CECR2: variants seen among roughly 807,000 people sequenced by gnomAD.
The protein encoded by CECR2 is CECR2 histone acetyl-lysine reader.
A neutral mutation model predicts 154.5 loss-of-function variants in CECR2; 30 were observed. The observed-to-expected ratio is 0.19, with a 90% confidence interval of 0.15 to 0.26. CECR2 has a LOEUF of 0.26. CECR2 is among the 10% of genes least tolerant of loss of function. The probability of loss-of-function intolerance (pLI) is 1.00; values close to 1 mark genes in which losing one functional copy is unlikely to be tolerated. For synonymous variants in CECR2, 725 were observed against 683.7 expected (o/e 1.06, Z -0.94); for missense variants, 1,743 against 1,829.3 (o/e 0.95, Z 0.86).
chr22:17,392,263 A>C (rs1037290391), intron 1 of CECR2, among the ~76,000 whole-genome samples: 8 of 152,092 alleles, frequency 5.3e-5, no homozygotes, highest in African/African-American at 1.7e-4. Context: ...TCAACAACAA[A>C]AAAAATTTTT....
intron 5 of CECR2, among the ~76,000 whole-genome samples, chr22:17,501,365 T>A (rs933924795): frequency 2.0e-5 from 3 of 152,174 alleles, no homozygotes; most frequent in African/African-American, 4.8e-5. Context: ...GAGACCATCC[T>A]GGCTAACACG....
intron 7 of CECR2, among the ~76,000 whole-genome samples, 196 bp from the exon 8 acceptor site, chr22:17,511,617 T>C (rs990509234): frequency 1.3e-5 from 2 of 152,162 alleles, no homozygotes; most frequent in African/African-American, 4.8e-5. Flanking sequence ...TTTGTTTTTA[T>C]TTTTTCAAGA....
chr22:17,526,808 C>CAA (rs34800488), intron 9 of CECR2, among the ~76,000 whole-genome samples: 1,130 of 71,120 alleles, frequency 0.016, 25 homozygotes, highest in East Asian at 0.037. Context: ...GACTCCATCT[C>CAA]AAAAAAAAAA....
chr22:17,422,104 TCC>T (rs1371016444), intron 1 of CECR2, among the ~76,000 whole-genome samples: 1 of 152,148 alleles, frequency 6.6e-6, no homozygotes, highest in South Asian at 2.1e-4. Flanking sequence ...TGTTTTTTTT[TCC>T]CCCCTCTGGC....
At chr22:17,449,702 G>T (rs971225923) in intron 1 of CECR2, among the ~76,000 whole-genome samples, 19 of 151,680 alleles carry the variant, frequency 1.3e-4, no homozygotes, top group Admixed American at 9.8e-4. Flanking sequence ...TGTTAGTCAG[G>T]ATGGTCTCGA....
At chr22:17,423,494 G>A (rs1003027799) in intron 1 of CECR2, among the ~76,000 whole-genome samples, 3 of 133,904 alleles carry the variant, frequency 2.2e-5, no homozygotes, top group South Asian at 4.8e-4. Context: ...GCGACTGAGC[G>A]AGACTCTGTC....
rs745963082 is a variant in CECR2 at position 17,549,495 on chromosome 22, T to C, written c.4208T>C (p.Val1403Ala). The change falls in exon 17 of 19, where the codon GTG (valine) becomes GCG (alanine). Residue 1403 changes from valine to alanine, a missense_variant. This residue lies in a region of CECR2 where 1,250 missense variants were observed against 1,192.1 expected (regional missense o/e 1.05). Coordinates refer to ENST00000262608, the MANE Select transcript of CECR2 (RefSeq NM_001290047.2). The part of the protein sequence containing the change: ...QEEGLGHFQA[V>A]MMEQIGTRSG... ...GAAGGCCTGGGTCACTTTCAAGCTG[T>C]GATGATGGAACAAATTGGCACTAGA... is the stretch of plus-strand genomic sequence containing the variant. The C allele has an allele frequency of 7.5e-6, 12 of 1,608,960 alleles. No homozygotes were observed. The East Asian group carries it at 2.5e-4, about 33-fold the overall frequency.
chr22:17,516,416 C>T lies in CECR2; in HGVS notation c.954+4520C>T, dbSNP rs143642284. 5.5e-4 allele frequency among the ~76,000 whole-genome samples: 84 copies of T among 152,130 alleles called. 1 individual carries two copies. The East Asian group carries it at 0.011, about 20-fold the overall frequency. On this transcript the variant is annotated intron_variant, in intron 8 of 18. Transcript: ENST00000262608. ...CAAGCCCTCAAGAAGCAGCATATTA[C>T]GATAAATCCCTTCTTTAGAAAAGTA...
intron 9 of CECR2, among the ~76,000 whole-genome samples, chr22:17,525,051 A>T (rs1221869860): frequency 6.7e-6 from 1 of 149,472 alleles, no homozygotes. Flanking sequence ...TGGGAGGCCA[A>T]GGGGGGCGGA....
chr22:17,536,173 AG>A (rs1601531717), intron 9 of CECR2, among the ~76,000 whole-genome samples: 1 of 152,106 alleles, frequency 6.6e-6, no homozygotes, highest in Admixed American at 6.6e-5. Flanking sequence ...GCTTGAACCC[AG>A]GGGGCAGAGG....
chr22:17,465,043 C>G (rs1401948988), intron 1 of CECR2, among the ~76,000 whole-genome samples: 1 of 146,570 alleles, frequency 6.8e-6, no homozygotes, highest in Non-Finnish European at 1.5e-5. Flanking sequence ...GTCGCCCAGG[C>G]TGGAGTGCAG....
chr22:17,503,707 A>C (rs894029421), intron 6 of CECR2, among the ~76,000 whole-genome samples: 5 of 152,154 alleles, frequency 3.3e-5, no homozygotes, highest in Admixed American at 2.0e-4. Flanking sequence ...TTTAGTTGTT[A>C]ACAATGACTT....
Position 17,503,266 on chromosome 22 carries a change from T to C in CECR2, c.700+135T>C, listed in dbSNP as rs2055772869. ...CTTTTACCTACCCCCTGTACTCTTC[T>C]TCAGTTCTCCTCCTCACACCTTATC... On this transcript the variant is annotated intron_variant, in intron 6 of 18. Coordinates refer to ENST00000262608, the MANE Select transcript of CECR2 (RefSeq NM_001290047.2). The C allele has an allele frequency of 5.6e-6, 4 of 716,280 alleles. No individual in the cohort carries two copies. In the Admixed American group the frequency reaches 8.0e-5, roughly 14 times the overall value. 44.4% of individuals were successfully genotyped at this position (716,280 alleles called of 1,614,324 possible). A position where few individuals can be genotyped will look rare whatever the true frequency, so the allele number is the denominator to read the frequency against.
chr22:17,412,465 T>A (rs1482329197), intron 1 of CECR2, among the ~76,000 whole-genome samples: 3 of 152,168 alleles, frequency 2.0e-5, no homozygotes, highest in African/African-American at 7.2e-5. Flanking sequence ...TGGCTCCCAT[T>A]CTTAGGGCTA....
intron 2 of CECR2, among the ~76,000 whole-genome samples, chr22:17,495,722 C>T (rs1345668800): frequency 4.0e-5 from 6 of 151,452 alleles, no homozygotes; most frequent in African/African-American, 1.5e-4. Flanking sequence ...ATTAGCTGGG[C>T]GTGGTGGCAG....
intron 1 of CECR2, among the ~76,000 whole-genome samples, chr22:17,410,589 A>G (rs61454202): frequency 0.021 from 3,124 of 152,106 alleles, 110 homozygotes; most frequent in African/African-American, 0.072. Context: ...CTGGGACTAC[A>G]GGCGCACGCC....
chr22:17,370,327 G>GT (rs1555898274), intron 1 of CECR2, among the ~76,000 whole-genome samples: 32 of 149,784 alleles, frequency 2.1e-4, no homozygotes, highest in African/African-American at 7.3e-4. Flanking sequence ...CGCGGGGGGG[G>GT]GGCCCGCGCG....
At chr22:17,552,554 A>G (rs868423665) in intron 18 of CECR2, among the ~76,000 whole-genome samples, 2 of 151,908 alleles carry the variant, frequency 1.3e-5, no homozygotes, top group Non-Finnish European at 2.9e-5. Context: ...CTTCTCTCCC[A>G]TGCAGTCTTT....
rs151316498 is a variant in CECR2 at position 17,546,261 on chromosome 22, G to A, written c.2861-1887G>A. On this transcript the variant is annotated intron_variant, in intron 16 of 18. Coordinates refer to ENST00000262608, the MANE Select transcript of CECR2 (RefSeq NM_001290047.2). ...CCAGCACTTTGGGAGGCCGAGGCGG[G>A]TGGATCACGAGGTCAGGAAATCGAG... Among the ~76,000 whole-genome samples the A allele has an allele frequency of 4.0e-3, 606 of 152,144 alleles. 7 individuals are homozygous for A. Among genetic ancestry groups the A allele is most frequent in the African/African-American group, 0.014 (567 of 41,508 alleles).
Sources: gnomAD v4.1 joint callset for allele counts (sites outside exome capture counted in the v4.1 genomes callset) on GRCh38, gnomAD v4.1.1 for gene constraint, gnomAD v4.1.1 regional missense constraint, MANE v1.5 for transcripts, NCBI Gene and HGNC (gene_info 2026-07-23, HGNC 2026-07-21) for gene names.